Variants in SPEF2 observed in about 807,000 individuals in gnomAD.
The protein encoded by SPEF2 is sperm flagellar and cilia associated 2.
A neutral mutation model predicts 224.6 loss-of-function variants in SPEF2; 187 were observed. The ratio of observed to expected loss-of-function variants is 0.83; its 90% CI spans 0.74 to 0.94. SPEF2 has a LOEUF of 0.94. SPEF2 is among the 40% of genes least tolerant of loss of function. The probability of loss-of-function intolerance (pLI) is 0.00; values close to 1 mark genes in which losing one functional copy is unlikely to be tolerated. For missense variants in SPEF2, 2,170 were observed against 2,135.6 expected (o/e 1.02, Z -0.32); for synonymous variants, 715 against 707.3 (o/e 1.01, Z -0.17).
chr5:35,783,928 C>G (rs1418547088), intron 30 of SPEF2, among the ~76,000 whole-genome samples: 1 of 152,146 alleles, frequency 6.6e-6, no homozygotes, highest in Non-Finnish European at 1.5e-5. Context: ...CCCATCGGTA[C>G]TCAATGAAAT....
intron 10 of SPEF2, among the ~76,000 whole-genome samples, chr5:35,681,515 T>C (rs1217661169): frequency 2.0e-5 from 3 of 152,208 alleles, no homozygotes; most frequent in African/African-American, 4.8e-5. Flanking sequence ...GAGTTCCTGG[T>C]ATCTTGTCCA....
At chr5:35,626,848 T>A (rs1744329383) in intron 1 of SPEF2, among the ~76,000 whole-genome samples, 1 of 152,130 alleles carries the variant, frequency 6.6e-6, no homozygotes, top group Non-Finnish European at 1.5e-5. Flanking sequence ...TAGGGTGTAA[T>A]CTTTGGAGTG....
intron 7 of SPEF2, 36 bp from the exon 8 acceptor site, chr5:35,658,983 C>A: frequency 6.8e-7 from 1 of 1,460,604 alleles, no homozygotes; most frequent in Non-Finnish European, 9.1e-7. Context: ...GAAATTTGGA[C>A]GTCACTTTAA....
chr5:35,732,241 A>G (rs1031022416), intron 21 of SPEF2, among the ~76,000 whole-genome samples: 3 of 152,156 alleles, frequency 2.0e-5, no homozygotes, highest in Non-Finnish European at 2.9e-5. Context: ...TCATGAAATC[A>G]TTGTAGAGAA....
In SPEF2 at chr5:35,779,308, A is replaced by G; in HGVS notation, c.4409A>G (p.Asp1470Gly). The G allele has an allele frequency of 6.2e-7, 1 of 1,613,224 alleles. No individual in the cohort carries two copies. Among genetic ancestry groups the G allele is most frequent in the Non-Finnish European group, 8.5e-7 (1 of 1,179,694 alleles). The change falls in exon 30 of 37, where the codon GAC (aspartate) becomes GGC (glycine). Residue 1470 changes from aspartate to glycine, a missense_variant. By Grantham distance (94) the Asp-to-Gly change is moderately conservative. Transcript: ENST00000356031. ...EDGTLTIEQL[D>G]SLRDQFLDMA... ...GGTACCCTGACCATTGAACAGCTTG[A>G]CAGTCTTCGAGATCAGTTCTTAGAT...
Position 35,799,894 on chromosome 5 carries a change from A to G in SPEF2, c.4831-74A>G, listed in dbSNP as rs1047869728. On this transcript the variant is annotated intron_variant, in intron 33 of 36. Transcript: ENST00000356031. ...ACCTTATTCCAAAGCTCCTGGGGAG[A>G]TTCTTCATTGCATGACTAACTACTG... 5.9e-6 allele frequency: 9 copies of G among 1,526,298 alleles called. No individual in the cohort carries two copies. The African/African-American group carries it at 1.2e-4, about 21-fold the overall frequency. The allele number at this position is 1,526,298 out of a possible 1,614,324, so 94.5% of individuals were successfully genotyped here.
intron 15 of SPEF2, chr5:35,698,960 A>G (rs1755735333): frequency 6.6e-6 from 1 of 152,214 alleles, no homozygotes. Flanking sequence ...CAAATTTATT[A>G]TATGCAGAAT....
intron 28 of SPEF2, 112 bp from the exon 29 acceptor site, chr5:35,776,145 T>C: frequency 9.7e-7 from 1 of 1,034,932 alleles, no homozygotes; most frequent in Non-Finnish European, 1.4e-6. Flanking sequence ...ATATTAAACG[T>C]GCACCTAAAG....
At chr5:35,642,458 G>A (rs1313466224) in intron 3 of SPEF2, among the ~76,000 whole-genome samples, 1 of 151,924 alleles carries the variant, frequency 6.6e-6, no homozygotes, top group Non-Finnish European at 1.5e-5. Flanking sequence ...TCACTCTCTT[G>A]GTTTTACCGT....
At chr5:35,790,556 C>A (rs939473261) in intron 30 of SPEF2, 1 of 392,226 alleles carries the variant, frequency 2.5e-6, no homozygotes, top group African/African-American at 2.1e-5. Flanking sequence ...AAGATTGTTT[C>A]TTCTATAGCT....
intron 34 of SPEF2, among the ~76,000 whole-genome samples, chr5:35,805,991 G>A (rs1758000821): frequency 6.6e-6 from 1 of 152,090 alleles, no homozygotes; most frequent in African/African-American, 2.4e-5. Flanking sequence ...AACACTGAAT[G>A]AACAGCCATA....
At chr5:35,798,646 T>A (rs575831562) in intron 33 of SPEF2, among the ~76,000 whole-genome samples, 9 of 152,090 alleles carry the variant, frequency 5.9e-5, no homozygotes, top group Non-Finnish European at 1.2e-4. Context: ...CAGGCTGGAG[T>A]GCAGTGGCAC....
intron 10 of SPEF2, among the ~76,000 whole-genome samples, chr5:35,673,630 A>T (rs1380602336): frequency 6.6e-6 from 1 of 152,080 alleles, no homozygotes; most frequent in Non-Finnish European, 1.5e-5. Context: ...CACATCATCC[A>T]TGTTGTCTTA....
chr5:35,734,700 C>CT (rs1561280071), intron 21 of SPEF2, among the ~76,000 whole-genome samples: 1 of 29,358 alleles, frequency 3.4e-5, no homozygotes, highest in Non-Finnish European at 1.3e-4. Flanking sequence ...GAATTGCTTT[C>CT]TTTTTTTTCT....
chr5:35,676,516 G>C (rs1752045244), intron 10 of SPEF2, among the ~76,000 whole-genome samples: 1 of 152,120 alleles, frequency 6.6e-6, no homozygotes, highest in Admixed American at 6.5e-5. Flanking sequence ...ATCACTTGAG[G>C]TCAGGAGTTC....
At chr5:35,778,444 G>A (rs1233659235) in intron 29 of SPEF2, among the ~76,000 whole-genome samples, 1 of 152,118 alleles carries the variant, frequency 6.6e-6, no homozygotes, top group African/African-American at 2.4e-5. Flanking sequence ...AGTGTCCTAG[G>A]ATGAGAACTC....
At chr5:35,652,204 G>GT (rs1184616274) in intron 6 of SPEF2, among the ~76,000 whole-genome samples, 2 of 151,946 alleles carry the variant, frequency 1.3e-5, no homozygotes, top group Admixed American at 6.6e-5. Flanking sequence ...ATAATGTGTA[G>GT]TTTTTTTTCA....
At chr5:35,723,470 G>A (rs746919608) in intron 20 of SPEF2, among the ~76,000 whole-genome samples, 27 of 152,106 alleles carry the variant, frequency 1.8e-4, no homozygotes, top group Non-Finnish European at 2.5e-4. Flanking sequence ...TAACATTTGA[G>A]AACTACTTTA....
chr5:35,785,360 T>A (rs1355148308), intron 30 of SPEF2, among the ~76,000 whole-genome samples: 1 of 152,136 alleles, frequency 6.6e-6, no homozygotes, highest in Non-Finnish European at 1.5e-5. Context: ...ACACAGGTAT[T>A]TTCCTGAAGC....
Sources: gnomAD v4.1 joint callset for allele counts (sites outside exome capture counted in the v4.1 genomes callset) on GRCh38, gnomAD v4.1.1 for gene constraint, MANE v1.5 for transcripts, NCBI Gene and HGNC (gene_info 2026-07-23, HGNC 2026-07-21) for gene names.